The following HAUS6 variants were observed in gnomAD, a reference collection of about 807,000 sequenced individuals.
The protein encoded by HAUS6 is HAUS augmin-like complex subunit 6.
A neutral mutation model predicts 106.8 loss-of-function variants in HAUS6; 80 were observed. The ratio of observed to expected loss-of-function variants is 0.75; its 90% CI spans 0.63 to 0.90. The LOEUF (loss-of-function observed/expected upper bound fraction) is 0.90, where lower values mean the gene tolerates loss of function less well. Among genes scored for constraint, HAUS6 ranks in the 40% least tolerant of loss-of-function variants. The pLI, the probability that HAUS6 is intolerant of heterozygous loss-of-function variation, is 0.00. For synonymous variants in HAUS6, 356 were observed against 379.1 expected (o/e 0.94, Z 0.71); for missense variants, 1,155 against 1,118.1 (o/e 1.03, Z -0.47).
chr9:19,064,531 A>G (rs952598424), intron 12 of HAUS6, among the ~76,000 whole-genome samples: 6 of 152,178 alleles, frequency 3.9e-5, no homozygotes, highest in African/African-American at 1.4e-4. Flanking sequence ...TAACTTTTTT[A>G]CTTTGGTCTT....
At chr9:19,078,684 A>C (rs943918341) in intron 9 of HAUS6, among the ~76,000 whole-genome samples, 1 of 151,980 alleles carries the variant, frequency 6.6e-6, no homozygotes, top group Non-Finnish European at 1.5e-5. Flanking sequence ...GCTACTAAGG[A>C]GGCTGAGGTA....
At chr9:19,089,187 G>A (rs986396238) in intron 5 of HAUS6, among the ~76,000 whole-genome samples, 2 of 152,016 alleles carry the variant, frequency 1.3e-5, no homozygotes, top group Non-Finnish European at 2.9e-5. Flanking sequence ...AGGCTGCAGT[G>A]AGCCGACATC....
At chr9:19,074,479 C>T (rs1355351137) in intron 11 of HAUS6, among the ~76,000 whole-genome samples, 2 of 152,052 alleles carry the variant, frequency 1.3e-5, no homozygotes, top group African/African-American at 4.8e-5. Context: ...ACTATGTTGT[C>T]CAGGCTGGTC....
At position 19,063,090 on chromosome 9, in the gene HAUS6, G is replaced by A. The variant is rs146554163; in HGVS notation, c.1547C>T (p.Thr516Ile). 12 of 1,608,152 alleles carry A rather than the reference G, an allele frequency of 7.5e-6. No individual in the cohort carries two copies. The highest frequency in any genetic ancestry group is 1.3e-5 in the African/African-American group (1 of 74,818). Residue 516 changes from threonine to isoleucine, a missense_variant, in exon 14 of 17, where the codon ACA becomes ATA. Physicochemically the swap from Thr to Ile is moderately conservative, Grantham distance 89. Coordinates refer to ENST00000380502, the MANE Select transcript of HAUS6 (RefSeq NM_017645.5). The part of the protein sequence containing the change: ...NSPLSDVAKN[T>I]ESSAFGGSLP... ...AGACCCTCCAAATGCACTACTCTCTGTATTCTTTGCAACATCTGATAATGG... is the reference window on the plus strand; with the variant it reads ...AGACCCTCCAAATGCACTACTCTCTATATTCTTTGCAACATCTGATAATGG...
chr9:19,091,285 G>C (rs1189805700), intron 4 of HAUS6, among the ~76,000 whole-genome samples: 1 of 148,834 alleles, frequency 6.7e-6, no homozygotes, highest in Admixed American at 6.8e-5. Flanking sequence ...GGGCAACAGA[G>C]TGAGACTTCG....
chr9:19,069,671 C>T (rs1318029546), intron 12 of HAUS6, among the ~76,000 whole-genome samples: 1 of 151,678 alleles, frequency 6.6e-6, no homozygotes, highest in East Asian at 1.9e-4. Flanking sequence ...TGCACTCCAG[C>T]CTAGGAAACA....
At chr9:19,096,380 C>A (rs910650019) in intron 2 of HAUS6, among the ~76,000 whole-genome samples, 2 of 152,006 alleles carry the variant, frequency 1.3e-5, no homozygotes, top group East Asian at 3.9e-4. Context: ...GCCTGACCAA[C>A]AGGGTGAAAC....
intron 14 of HAUS6, among the ~76,000 whole-genome samples, chr9:19,061,122 C>A (rs1348862251): frequency 6.6e-6 from 1 of 152,222 alleles, no homozygotes; most frequent in Non-Finnish European, 1.5e-5. Context: ...CAAGATCGTG[C>A]CATTGCACCC....
intron 2 of HAUS6, 57 bp downstream of exon 2, chr9:19,096,617 G>C: frequency 1.7e-6 from 1 of 589,638 alleles, no homozygotes; most frequent in Admixed American, 3.3e-5. Flanking sequence ...GTATCAAAAC[G>C]CTGTCCATTT....
chr9:19,063,204 C>T lies in HAUS6; in HGVS notation c.1444-11G>A. The stretch of plus-strand genomic sequence containing the variant: ...TCCCATCTTTGTGTCCTGAAGAAGA[C>T]AGATATGTAATGTTAAACCCTTAAT... On this transcript the variant is annotated splice_polypyrimidine_tract_variant and intron_variant, in intron 13 of 16. Coordinates refer to ENST00000380502, the MANE Select transcript of HAUS6 (RefSeq NM_017645.5). The T allele has an allele frequency of 6.4e-7, 1 of 1,562,880 alleles. No homozygotes were observed. The highest frequency in any genetic ancestry group is 8.8e-7 in the Non-Finnish European group (1 of 1,140,548).
At position 19,102,192 on chromosome 9, in the gene HAUS6, T is replaced by G. The variant is rs1238329037; in HGVS notation, c.128+332A>C. Among the ~76,000 whole-genome samples the G allele has an allele frequency of 2.0e-5, 3 of 149,372 alleles. No individual in the cohort carries two copies. In the East Asian group the frequency reaches 5.8e-4, roughly 29 times the overall value. On this transcript the variant is annotated intron_variant, in intron 1 of 16. Coordinates refer to ENST00000380502, the MANE Select transcript of HAUS6 (RefSeq NM_017645.5). ...TTTTGTACATATGGTTCCCATGCTC[T>G]TCCACTACCACCCGCCATCCCTCCC...
At chr9:19,078,533 AT>A (rs1460432243) in intron 9 of HAUS6, among the ~76,000 whole-genome samples, 1 of 152,142 alleles carries the variant, frequency 6.6e-6, no homozygotes, top group East Asian at 1.9e-4. Context: ...CATGCCTGTA[AT>A]CCCAGCAGTT....
intron 10 of HAUS6, among the ~76,000 whole-genome samples, chr9:19,077,723 A>G (rs1837042635): frequency 6.6e-6 from 1 of 152,176 alleles, no homozygotes; most frequent in Non-Finnish European, 1.5e-5. Flanking sequence ...GGTCATTTGT[A>G]ACACAATAAA....
intron 4 of HAUS6, among the ~76,000 whole-genome samples, chr9:19,090,579 G>A (rs1817723604): frequency 6.6e-6 from 1 of 152,136 alleles, no homozygotes; most frequent in African/African-American, 2.4e-5. Context: ...TAGCCAGGAT[G>A]ATCTTGATCT....
chr9:19,063,379 G>T lies in HAUS6; in HGVS notation c.1443+135C>A, dbSNP rs142496504. On this transcript the variant is annotated intron_variant, in intron 13 of 16. Transcript: ENST00000380502. The stretch of plus-strand genomic sequence containing the variant: ...CACTTAGCAATAAGGAATATAAGTA[G>T]ATATGGTACAAAATGTACAAATAGT... 351 of 626,844 alleles carry T rather than the reference G, an allele frequency of 5.6e-4. No individual in the cohort carries two copies. The African/African-American group carries it at 6.2e-3, about 11-fold the overall frequency. 38.8% of individuals were successfully genotyped at this position (626,844 alleles called of 1,614,324 possible).
chr9:19,059,418 T>A (rs908383395), intron 15 of HAUS6, among the ~76,000 whole-genome samples: 1 of 152,198 alleles, frequency 6.6e-6, no homozygotes, highest in African/African-American at 2.4e-5. Flanking sequence ...ATAAACAATG[T>A]CAACAAATGA....
At chr9:19,100,944 GAGA>G (rs1169510548) in intron 1 of HAUS6, among the ~76,000 whole-genome samples, 3 of 152,140 alleles carry the variant, frequency 2.0e-5, no homozygotes, top group Non-Finnish European at 4.4e-5. Context: ...AGGAAAAGGA[GAGA>G]AGGAGGGAGG....
chr9:19,080,491 A>T lies in HAUS6; in HGVS notation c.1052T>A (p.Leu351Gln). The T allele has an allele frequency of 1.2e-6, 2 of 1,603,392 alleles. No homozygotes were observed. The highest frequency in any genetic ancestry group is 1.7e-6 in the Non-Finnish European group (2 of 1,172,058). The change falls in exon 9 of 17, where the codon CTG becomes CAG. Residue 351 changes from leucine to glutamine, a missense_variant. Physicochemically the swap from Leu to Gln is moderately radical, Grantham distance 113. Transcript: ENST00000380502. The stretch of plus-strand genomic sequence containing the variant: ...CTTTTTAGTGTACCTCATATGTTTC[A>T]GATCTGATAATCTTTCCTTCTGAAA... ...TKFQKERLSD[L>Q]KHMRYRIKDD... is the part of the protein sequence containing the mutation.
Position 19,094,342 on chromosome 9 carries a change from C to G in HAUS6, c.278G>C (p.Cys93Ser). 6.2e-7 allele frequency: 1 copy of G among 1,601,850 alleles called. No individual in the cohort carries two copies. The highest frequency in any genetic ancestry group is 1.3e-5 in the African/African-American group (1 of 74,590). ...AGAAATCCTTTTTATCCATTCACAG[C>G]AATGTTTTCGGAATTCAGTGTCACT... Reference protein sequence around the residue: ...QKSDTEFRKHCCEWIKRISGE... With the variant: ...QKSDTEFRKHSCEWIKRISGE... Residue 93 changes from cysteine (C) to serine (S), a missense_variant, in exon 3 of 17, where the codon TGC (cysteine) becomes TCC (serine). This residue lies in a region of HAUS6 where 761 missense variants were observed against 690.0 expected (regional missense o/e 1.10). Transcript: ENST00000380502.
Sources: gnomAD v4.1 joint callset for allele counts (sites outside exome capture counted in the v4.1 genomes callset) on GRCh38, gnomAD v4.1.1 for gene constraint, gnomAD v4.1.1 regional missense constraint, MANE v1.5 for transcripts, NCBI Gene and HGNC (gene_info 2026-07-23, HGNC 2026-07-21) for gene names.